Variants in COL23A1 observed in about 807,000 individuals in gnomAD.
COL23A1 encodes the protein collagen type XXIII alpha 1 chain.
Under a neutral mutation model 99.3 loss-of-function variants are expected in COL23A1, and 97 were observed. That is an observed-to-expected ratio of 0.98 (90% CI 0.83 to 1.16). The LOEUF (loss-of-function observed/expected upper bound fraction) is 1.16. Among genes scored for constraint, COL23A1 ranks in the 50% most tolerant of loss-of-function variants. The pLI, the probability that COL23A1 is intolerant of heterozygous loss-of-function variation, is 0.00. For missense variants in COL23A1, 762 were observed against 757.4 expected (o/e 1.01, Z -0.07); for synonymous variants, 320 against 308.2 (o/e 1.04, Z -0.40).
intron 2 of COL23A1, among the ~76,000 whole-genome samples, chr5:178,548,243 G>A (rs879504176): frequency 5.9e-5 from 9 of 151,546 alleles, no homozygotes; most frequent in African/African-American, 9.7e-5. Context: ...TGCCCACTCC[G>A]GCCGGGCCCT....
At position 178,587,373 on chromosome 5, in the gene COL23A1, G is replaced by A. The variant is rs190950754; in HGVS notation, c.294+2531C>T. On this transcript the variant is annotated intron_variant, in intron 1 of 28. Transcript: ENST00000390654. ...ATCTTCATTATCGGGCACATCAGCCGGTCCCAGAAAAAGTTATTTCACAGT... is the reference window on the plus strand; with the variant it reads ...ATCTTCATTATCGGGCACATCAGCCAGTCCCAGAAAAAGTTATTTCACAGT... 3.7e-3 allele frequency among the ~76,000 whole-genome samples: 570 copies of A among 152,106 alleles called. 6 individuals are homozygous for A. The highest frequency in any genetic ancestry group is 0.02 in the Admixed American group (300 of 15,292).
chr5:178,534,859 C>T (rs553780), intron 2 of COL23A1, among the ~76,000 whole-genome samples: 13,830 of 152,218 alleles, frequency 0.091, 843 homozygotes, highest in African/African-American at 0.17. Context: ...CCCACACTCT[C>T]ATTAAATCCC....
intron 2 of COL23A1, among the ~76,000 whole-genome samples, chr5:178,507,108 G>T (rs1758915491): frequency 6.6e-6 from 1 of 152,162 alleles, no homozygotes; most frequent in Non-Finnish European, 1.5e-5. Context: ...CAAAATAAAA[G>T]CAAATATGTA....
intron 22 of COL23A1, among the ~76,000 whole-genome samples, chr5:178,246,684 T>A (rs1764714264): frequency 6.9e-6 from 1 of 145,686 alleles, no homozygotes; most frequent in African/African-American, 2.6e-5. Flanking sequence ...GTGATTACGG[T>A]CACACCCATT....
chr5:178,578,449 A>G (rs541643542), intron 1 of COL23A1, among the ~76,000 whole-genome samples: 1 of 152,296 alleles, frequency 6.6e-6, no homozygotes, highest in Non-Finnish European at 1.5e-5. Flanking sequence ...CCCCACGCAA[A>G]AAGGCGCAGT....
intron 1 of COL23A1, among the ~76,000 whole-genome samples, chr5:178,571,866 G>A (rs1448379312): frequency 6.6e-6 from 1 of 152,124 alleles, no homozygotes; most frequent in East Asian, 1.9e-4. Context: ...TCAGGAGATT[G>A]AGACCATCCT....
intron 2 of COL23A1, among the ~76,000 whole-genome samples, chr5:178,484,109 A>G (rs1757480267): frequency 6.6e-6 from 1 of 152,026 alleles, no homozygotes; most frequent in South Asian, 2.1e-4. Context: ...TATTTTTAGT[A>G]GAGATGGGGT....
chr5:178,321,480 C>CA (rs761651933), intron 2 of COL23A1, among the ~76,000 whole-genome samples: 128 of 109,022 alleles, frequency 1.2e-3, no homozygotes, highest in African/African-American at 4.9e-3. Flanking sequence ...GTCACCTTCC[C>CA]TTTTTTTTTT....
At position 178,559,552 on chromosome 5, in the gene COL23A1, G is replaced by A. The variant is rs879213096; in HGVS notation, c.361+1130C>T. The stretch of plus-strand genomic sequence containing the variant: ...ACCCAAAAGAGACCTTTCCCTGCAC[G>A]TCGAGAAGTCTGAGACACATCACCC... On this transcript the variant is annotated intron_variant, in intron 2 of 28. Coordinates refer to ENST00000390654, the MANE Select transcript of COL23A1 (RefSeq NM_173465.4). Among the ~76,000 whole-genome samples, 8 of 134,914 alleles carry A rather than the reference G, an allele frequency of 5.9e-5. No individual in the cohort carries two copies. In the South Asian group the frequency reaches 1.0e-3, roughly 17 times the overall value. 88.5% of individuals were successfully genotyped at this position (134,914 alleles called of 152,430 possible).
At chr5:178,367,839 G>A (rs746519967) in intron 2 of COL23A1, among the ~76,000 whole-genome samples, 14 of 152,250 alleles carry the variant, frequency 9.2e-5, no homozygotes, top group East Asian at 1.9e-4. Context: ...CCAGAGGTAC[G>A]GGCTGCCACC....
intron 2 of COL23A1, among the ~76,000 whole-genome samples, chr5:178,530,980 G>A (rs1208767693): frequency 2.0e-5 from 3 of 152,166 alleles, no homozygotes; most frequent in Non-Finnish European, 4.4e-5. Context: ...AGATTCTCCT[G>A]CCTCAGCCTC....
intron 4 of COL23A1, among the ~76,000 whole-genome samples, chr5:178,289,402 C>A (rs1757329987): frequency 1.3e-5 from 2 of 152,186 alleles, no homozygotes; most frequent in Admixed American, 6.5e-5. Context: ...CCCCTGCATT[C>A]AAACCTGCCT....
At chr5:178,289,672 A>T (rs983616481) in intron 4 of COL23A1, among the ~76,000 whole-genome samples, 4 of 152,180 alleles carry the variant, frequency 2.6e-5, no homozygotes, top group Admixed American at 6.5e-5. Context: ...CGGGACACTG[A>T]AGCATTTAGA....
At chr5:178,240,385 A>G (rs1349663710) in intron 27 of COL23A1, among the ~76,000 whole-genome samples, 1 of 152,172 alleles carries the variant, frequency 6.6e-6, no homozygotes, top group African/African-American at 2.4e-5. Flanking sequence ...AGGCCGGGGC[A>G]GAGCCAAGGG....
rs1250451992 is a variant in COL23A1, at chr5:178,255,069, C to T, written c.883-43G>A. On this transcript the variant is annotated intron_variant, in intron 15 of 28. Transcript: ENST00000390654. This position sits in a 1 kb window ranked among gnomAD's most constrained non-coding sequence, Gnocchi z 4.2. Reference sequence around the variant, plus strand: ...GTAAGAATTTCAGGGAAGAGCTACACTGAGTTGGAGGTGAAGTGGCAGCTG... The same window carrying T: ...GTAAGAATTTCAGGGAAGAGCTACATTGAGTTGGAGGTGAAGTGGCAGCTG... 6.5e-7 allele frequency: 1 copy of T among 1,537,316 alleles called. No homozygotes were observed. The highest frequency in any genetic ancestry group is 9.0e-7 in the Non-Finnish European group (1 of 1,111,434).
chr5:178,585,329 G>A (rs1035309036), intron 1 of COL23A1, among the ~76,000 whole-genome samples: 1 of 150,188 alleles, frequency 6.7e-6, no homozygotes, highest in Non-Finnish European at 1.5e-5. Context: ...TAACACTTGT[G>A]GCCCCGGCTG....
chr5:178,339,362 A>G (rs954992738), intron 2 of COL23A1, among the ~76,000 whole-genome samples: 2 of 152,180 alleles, frequency 1.3e-5, no homozygotes, highest in East Asian at 1.9e-4. Context: ...GCCCCATCCA[A>G]TACATTCTGT....
intron 2 of COL23A1, among the ~76,000 whole-genome samples, chr5:178,416,642 T>C (rs1334721445): frequency 6.6e-6 from 1 of 152,226 alleles, no homozygotes; most frequent in Non-Finnish European, 1.5e-5. Flanking sequence ...TTATCTCACT[T>C]AATCGTTTCA....
intron 1 of COL23A1, among the ~76,000 whole-genome samples, chr5:178,567,468 T>C (rs1294594470): frequency 1.3e-5 from 2 of 152,138 alleles, no homozygotes; most frequent in African/African-American, 4.8e-5. Context: ...AAAGGCTGGG[T>C]GTGGTGGTTC....
Sources: gnomAD v4.1 joint callset for allele counts (sites outside exome capture counted in the v4.1 genomes callset) on GRCh38, gnomAD v4.1.1 for gene constraint, Gnocchi (gnomAD v3.1) non-coding constraint, MANE v1.5 for transcripts, NCBI Gene and HGNC (gene_info 2026-07-23, HGNC 2026-07-21) for gene names.